Variants in LETM1 observed in about 807,000 individuals in gnomAD.
The protein encoded by LETM1 is mitochondrial proton/calcium exchanger protein.
In LETM1, 50 loss-of-function variants were observed where a neutral mutation model predicts 74.5. The observed-to-expected ratio is 0.67, with a 90% CI of 0.53 to 0.85. The LOEUF is 0.85. Among genes scored for constraint, LETM1 ranks in the 40% least tolerant of loss-of-function variants. The pLI is 0.00. For synonymous variants in LETM1, 446 were observed against 407.1 expected (o/e 1.10, Z -1.15); for missense variants, 824 against 967.8 (o/e 0.85, Z 1.97).
chr4:1,847,112 G>T (rs1373489724), intron 2 of LETM1, among the ~76,000 whole-genome samples: 3 of 150,864 alleles, frequency 2.0e-5, no homozygotes, highest in Non-Finnish European at 4.4e-5. Flanking sequence ...CAGGAGGACT[G>T]CTTGAGTCCA....
chr4:1,842,313 C>T (rs993877773), intron 2 of LETM1, among the ~76,000 whole-genome samples: 4 of 152,142 alleles, frequency 2.6e-5, no homozygotes, highest in Non-Finnish European at 4.4e-5. Context: ...ACTAGCTGCC[C>T]GCAGGCACCA....
chr4:1,832,611 A>G, intron 6 of LETM1, 133 bp downstream of exon 6: 1 of 779,274 alleles, frequency 1.3e-6, no homozygotes, highest in Non-Finnish European at 2.1e-6. Context: ...GCAAGTGGCA[A>G]GACTCCTAGT....
At position 1,815,672 on chromosome 4, in the gene LETM1, G is replaced by C. The variant is rs1199053402; in HGVS notation, c.2062C>G (p.Leu688Val). ...TCCCCAGCGAGGCCCACCTTGACGA[G>C]GTCGTCGATGTTGACCTTGCCATCC... ...NKDGKVNIDDLVKVIELVDKE... is the reference protein window; with the variant it reads ...NKDGKVNIDDVVKVIELVDKE... Residue 688 changes from leucine (L) to valine (V), a missense_variant, in exon 13 of 14, where the codon CTC (leucine) becomes GTC (valine). Physicochemically the swap from Leu to Val is conservative, Grantham distance 32 (BLOSUM62 1). Coordinates refer to ENST00000302787, the MANE Select transcript of LETM1 (RefSeq NM_012318.3). 1 of 1,614,168 alleles carries C rather than the reference G, an allele frequency of 6.2e-7. No individual in the cohort carries two copies. The highest frequency in any genetic ancestry group is 8.5e-7 in the Non-Finnish European group (1 of 1,180,010).
chr4:1,822,309 CCTT>C lies in LETM1; in HGVS notation c.1477_1479del (p.Lys493del), dbSNP rs771732292. ...GCTACCACACGTTCGGGCTCAAAAT[CCTT>C]CTGAAAGGCAAGGCGACACCAGCCC... On this transcript the variant is annotated inframe_deletion and splice_region_variant, in exon 10 of 14. Transcript: ENST00000302787. 1 of 1,496,410 alleles carries C rather than the reference CCTT, an allele frequency of 6.7e-7. No individual in the cohort carries two copies. The highest frequency in any genetic ancestry group is 1.4e-5 in the African/African-American group (1 of 70,750). The allele number at this position is 1,496,410 out of a possible 1,614,324, so 92.7% of individuals were successfully genotyped here.
chr4:1,849,762 G>A lies in LETM1; in HGVS notation c.83-553C>T, dbSNP rs62286990. ...GGGGTTTCGTTTTGTTGCCTAGGCT[G>A]GTCTCCAACTTTTGGCCTCGAGCGA... On this transcript the variant is annotated intron_variant, in intron 1 of 13. Coordinates refer to ENST00000302787, the MANE Select transcript of LETM1 (RefSeq NM_012318.3). Among the ~76,000 whole-genome samples, 881 of 152,322 alleles carry A rather than the reference G, an allele frequency of 5.8e-3. 3 individuals are homozygous for A. Among genetic ancestry groups the A allele is most frequent in the Non-Finnish European group, 0.01 (700 of 68,022 alleles).
chr4:1,837,143 A>C (rs1712485891), intron 3 of LETM1, among the ~76,000 whole-genome samples: 1 of 152,224 alleles, frequency 6.6e-6, no homozygotes, highest in Admixed American at 6.5e-5. Context: ...ACTGCTGGAA[A>C]ACAGCGCGGG....
At chr4:1,815,319 G>C (rs936996854) in intron 13 of LETM1, among the ~76,000 whole-genome samples, 5 of 152,110 alleles carry the variant, frequency 3.3e-5, no homozygotes, top group East Asian at 1.9e-4. Context: ...GTGCCCCCAG[G>C]CTCCCTGTGC....
In LETM1 at chr4:1,828,095, G is replaced by C. The variant is rs865972963; in HGVS notation, c.1081-2412C>G. On this transcript the variant is annotated intron_variant, in intron 6 of 13. Coordinates refer to ENST00000302787, the MANE Select transcript of LETM1 (RefSeq NM_012318.3). ...GACGGGGCGGCTGGCCGGGCAGGGG[G>C]GCTGACACCCCCACCTCCCTCCCGG... is the stretch of plus-strand genomic sequence containing the variant. Among the ~76,000 whole-genome samples, 462 of 136,202 alleles carry C rather than the reference G, an allele frequency of 3.4e-3. 9 individuals carry two copies. The highest frequency in any genetic ancestry group is 0.012 in the African/African-American group (428 of 35,072). 89.4% of individuals were successfully genotyped at this position (136,202 alleles called of 152,430 possible).
At chr4:1,831,813 C>T (rs777616156) in intron 6 of LETM1, among the ~76,000 whole-genome samples, 17 of 152,250 alleles carry the variant, frequency 1.1e-4, no homozygotes, top group African/African-American at 3.6e-4. Flanking sequence ...TTGTCTTCCA[C>T]AGACAATGCC....
intron 1 of LETM1, among the ~76,000 whole-genome samples, chr4:1,853,841 C>G (rs1314459076): frequency 6.6e-6 from 1 of 152,144 alleles, no homozygotes; most frequent in Non-Finnish European, 1.5e-5. Flanking sequence ...CACAGTCCAG[C>G]CCTGGGTCTC....
intron 3 of LETM1, among the ~76,000 whole-genome samples, chr4:1,840,115 C>T (rs1032676606): frequency 7.9e-5 from 12 of 152,218 alleles, no homozygotes; most frequent in Middle Eastern, 6.3e-3. Flanking sequence ...CAGTGGCCCA[C>T]GCCTATAATC....
intron 12 of LETM1, 135 bp from the exon 13 acceptor site, chr4:1,815,937 A>T (rs1711557037): frequency 1.0e-6 from 1 of 1,004,302 alleles, no homozygotes; most frequent in African/African-American, 1.6e-5. Context: ...TCCAGCACGG[A>T]CCCCCAAGGT....
At chr4:1,830,719 G>A (rs1304011832) in intron 6 of LETM1, among the ~76,000 whole-genome samples, 1 of 152,196 alleles carries the variant, frequency 6.6e-6, no homozygotes, top group East Asian at 1.9e-4. Context: ...CACATGTTCT[G>A]CTCTGTTGTG....
chr4:1,828,800 C>A (rs1193541987), intron 6 of LETM1, among the ~76,000 whole-genome samples: 1 of 136,500 alleles, frequency 7.3e-6, no homozygotes, highest in Non-Finnish European at 1.6e-5. Context: ...GGCGGCTGGC[C>A]GGGCAGGGGG....
At position 1,812,381 on chromosome 4, in the gene LETM1, A is replaced by G. The variant is rs1722495527; in HGVS notation, c.*2043T>C. 2.0e-5 allele frequency: 3 copies of G among 150,944 alleles called. No individual in the cohort carries two copies. The highest frequency in any genetic ancestry group is 4.9e-5 in the African/African-American group (2 of 41,162). 9.4% of individuals were successfully genotyped at this position (150,944 alleles called of 1,614,324 possible). A position where few individuals can be genotyped will look rare whatever the true frequency, so the allele number is the denominator to read the frequency against. On this transcript the variant is annotated 3_prime_UTR_variant, in exon 14 of 14. Transcript: ENST00000302787. ...CTCTGTATCAAAAAAAAAAAAAAAA[A>G]AAAAAAAAAGTGAGTGCTTAGCTGG...
chr4:1,814,554 T>C lies in LETM1; in HGVS notation c.2090A>G (p.Lys697Arg), dbSNP rs141679322. The change falls in exon 14 of 14, where the codon AAA becomes AGA. Residue 697 changes from lysine (K) to arginine (R), a missense_variant. This residue lies in a region of LETM1 where 161 missense variants were observed against 252.7 expected (regional missense o/e 0.64). Coordinates refer to ENST00000302787, the MANE Select transcript of LETM1 (RefSeq NM_012318.3). ...GCTGGTGGAGATGTGAACATCTTCT[T>C]TGTCCACCAGCTCAATCACCTACAC... ...DLVKVIELVD[K>R]EDVHISTSQV... is the part of the protein sequence containing the mutation. The C allele has an allele frequency of 7.6e-4, 1,221 of 1,613,606 alleles. 3 individuals carry two copies. The African/African-American group carries it at 0.015, about 19-fold the overall frequency.
chr4:1,853,911 C>T (rs1017939988), intron 1 of LETM1, among the ~76,000 whole-genome samples: 2 of 152,186 alleles, frequency 1.3e-5, no homozygotes, highest in African/African-American at 4.8e-5. Flanking sequence ...TGTCACAAAG[C>T]ACAGTAGTAA....
intron 9 of LETM1, 99 bp downstream of exon 9, chr4:1,822,889 G>A: frequency 1.8e-6 from 2 of 1,137,652 alleles, no homozygotes; most frequent in Non-Finnish European, 2.2e-6. Flanking sequence ...AGAGCTGCAG[G>A]GCAAGCATGC....
chr4:1,848,976 T>G (rs1712977340), intron 2 of LETM1, among the ~76,000 whole-genome samples, 173 bp downstream of exon 2: 1 of 152,192 alleles, frequency 6.6e-6, no homozygotes. Flanking sequence ...ATAGATTCAC[T>G]GAGGCATGTG....
Sources: gnomAD v4.1 joint callset for allele counts (sites outside exome capture counted in the v4.1 genomes callset) on GRCh38, gnomAD v4.1.1 for gene constraint, gnomAD v4.1.1 regional missense constraint, MANE v1.5 for transcripts, NCBI Gene and HGNC (gene_info 2026-07-23, HGNC 2026-07-21) for gene names.